The following KCNA3 variants were observed in gnomAD, a reference collection of about 807,000 sequenced individuals.
The protein encoded by KCNA3 is potassium voltage-gated channel subfamily A member 3, also known as RP11-284N8.3.
In KCNA3, 18 loss-of-function variants were observed where a neutral mutation model predicts 34.3. The ratio of observed to expected loss-of-function variants is 0.52; its 90% confidence interval spans 0.36 to 0.78. The LOEUF (loss-of-function observed/expected upper bound fraction) is 0.78. KCNA3 is among the 30% of genes least tolerant of loss of function. The pLI is 0.00. For synonymous variants in KCNA3, 324 were observed against 351.7 expected, an observed-to-expected ratio of 0.92 and a Z score of 0.88; for missense variants, 587 against 802.5, an observed-to-expected ratio of 0.73 and a Z score of 3.24.
At chr1:110,667,563 G>T (rs991635543), downstream of KCNA3, among the ~76,000 whole-genome samples, 1 of 152,094 alleles carries the variant, frequency 6.6e-6, no homozygotes, top group African/African-American at 2.4e-5. Flanking sequence ...TTACAGGGCA[G>T]AGTTCCTATT....
At chr1:110,666,633 G>T in the KCNA3 span, among the ~76,000 whole-genome samples, 1 of 152,144 alleles carries the variant, frequency 6.6e-6, no homozygotes, top group Non-Finnish European at 1.5e-5. Flanking sequence ...AGATCATTCT[G>T]GCTACCAGGA....
the KCNA3 span, among the ~76,000 whole-genome samples, chr1:110,660,366 T>C: frequency 6.6e-6 from 1 of 152,232 alleles, no homozygotes; most frequent in Admixed American, 6.5e-5. Context: ...TGAGTGCCTA[T>C]TGATTTTTAG....
At position 110,674,703 on chromosome 1, in the gene KCNA3, A is replaced by C; in HGVS notation, c.107T>G (p.Val36Gly). 1 of 1,490,268 alleles carries C rather than the reference A, an allele frequency of 6.7e-7. No homozygotes were observed. Among genetic ancestry groups the C allele is most frequent in the South Asian group, 1.3e-5 (1 of 76,062 alleles). 92.3% of individuals were successfully genotyped at this position (1,490,268 alleles called of 1,614,324 possible). Reference sequence around the variant, plus strand: ...GGCGGGCTCCGCGTAGCCGTGGTTCACCAGCGTGTGGGCACCGCCGCTGCT... The same window carrying C: ...GGCGGGCTCCGCGTAGCCGTGGTTCCCCAGCGTGTGGGCACCGCCGCTGCT... ...PASSGGAHTL[V>G]NHGYAEPAAG... is the part of the protein sequence containing the mutation. The change falls in exon 1 of 1, where the codon GTG becomes GGG. Residue 36 changes from valine to glycine, a missense_variant. Around this residue, in one of 7 missense-constraint regions of KCNA3, gnomAD observed 341 missense variants for 355.4 expected, o/e 0.96. Coordinates refer to ENST00000369769, the MANE Select transcript of KCNA3 (RefSeq NM_002232.5). This position sits in a 1 kb window ranked among gnomAD's most constrained non-coding sequence, Gnocchi z 6.4.
Position 110,673,028 on chromosome 1 carries a change from C to A in KCNA3, c.*54G>T. ...GTATAAAACAAGGGCATAGGCAGAC[C>A]AAGGGGGCACGTTCCACACAATACT... On this transcript the variant is annotated 3_prime_UTR_variant, in exon 1 of 1. Transcript: ENST00000369769. This position sits in a 1 kb window ranked among gnomAD's most constrained non-coding sequence, Gnocchi z 8.8. 6.5e-7 allele frequency: 1 copy of A among 1,529,310 alleles called. No homozygotes were observed. Among genetic ancestry groups the A allele is most frequent in the South Asian group, 1.3e-5 (1 of 79,860 alleles). The allele number at this position is 1,529,310 out of a possible 1,614,324, so 94.7% of individuals were successfully genotyped here.
At chr1:110,660,140 T>A in the KCNA3 span, among the ~76,000 whole-genome samples, 1 of 152,206 alleles carries the variant, frequency 6.6e-6, no homozygotes, top group Non-Finnish European at 1.5e-5. Flanking sequence ...TGTTGCTTTT[T>A]AAAAACTGTT....
the KCNA3 span, among the ~76,000 whole-genome samples, chr1:110,663,717 G>T: frequency 2.0e-5 from 3 of 152,040 alleles, no homozygotes; most frequent in Non-Finnish European, 2.9e-5. Context: ...TTTCAATACC[G>T]CTAGGAATCT....
At position 110,674,375 on chromosome 1, in the gene KCNA3, G is replaced by T; in HGVS notation, c.435C>A (p.Asn145Lys). The T allele has an allele frequency of 6.2e-7, 1 of 1,614,168 alleles. No individual in the cohort carries two copies. The highest frequency in any genetic ancestry group is 8.5e-7 in the Non-Finnish European group (1 of 1,180,022). ...RRMRYFDPLR[N>K]EYFFDRNRPS... ...GCCGGTTGCGGTCGAAGAAGTACTC[G>T]TTGCGGAGCGGGTCGAAGTACCTCA... Residue 145 changes from asparagine to lysine, a missense_variant, in exon 1 of 1, where the codon AAC becomes AAA. By Grantham distance (94) the Asn-to-Lys change is moderately conservative. This residue lies in a region of KCNA3 where 341 missense variants were observed against 355.4 expected (regional missense o/e 0.96). Coordinates refer to ENST00000369769, the MANE Select transcript of KCNA3 (RefSeq NM_002232.5). This position sits in a 1 kb window ranked among gnomAD's most constrained non-coding sequence, Gnocchi z 6.4.
the KCNA3 span, chr1:110,655,285 T>C: frequency 6.6e-6 from 1 of 152,218 alleles, no homozygotes; most frequent in East Asian, 1.9e-4. Flanking sequence ...ATTTGGCTTA[T>C]AGTCATACAA....
the KCNA3 span, among the ~76,000 whole-genome samples, chr1:110,658,704 A>C: frequency 3.3e-5 from 5 of 152,160 alleles, no homozygotes; most frequent in African/African-American, 1.2e-4. Flanking sequence ...GAAAAGCTAT[A>C]AACATTAGAT....
chr1:110,666,694 C>T, the KCNA3 span, among the ~76,000 whole-genome samples: 1 of 152,092 alleles, frequency 6.6e-6, no homozygotes, highest in East Asian at 1.9e-4. Flanking sequence ...CATTAAGAGA[C>T]CTTCACACTT....
downstream of KCNA3, chr1:110,672,364 C>T (rs538296926): frequency 6.5e-6 from 1 of 152,746 alleles, no homozygotes; most frequent in African/African-American, 2.4e-5. Flanking sequence ...GTTGTTGGGG[C>T]TGGGACATAT....
chr1:110,672,798 T>C lies in KCNA3; in HGVS notation c.*284A>G. 3.0e-6 allele frequency: 1 copy of C among 338,912 alleles called. No homozygotes were observed. The highest frequency in any genetic ancestry group is 5.4e-6 in the Non-Finnish European group (1 of 186,214). 21.0% of individuals were successfully genotyped at this position (338,912 alleles called of 1,614,324 possible). On this transcript the variant is annotated 3_prime_UTR_variant, in exon 1 of 1. Transcript: ENST00000369769. The stretch of plus-strand genomic sequence containing the variant: ...CCAGGATGTACTGCTCTTTTTTAAA[T>C]AGGGCGTGTACTAGAAATGAAGTTT...
Position 110,673,478 on chromosome 1 carries a change from T to G in KCNA3, c.1332A>C (p.Thr444=), listed in dbSNP as rs766070639. The G allele has an allele frequency of 2.5e-6, 4 of 1,614,054 alleles. No homozygotes were observed. Among genetic ancestry groups the G allele is most frequent in the Middle Eastern group, 1.6e-4 (1 of 6,062 alleles). ...AFWWAVVTMT[T]VGYGDMHPVT... is the part of the protein sequence containing the mutation. ...CTGGGTGCATATCGCCGTAACCCAC[T>G]GTTGTCATGGTTACCACTGCCCACC... The change falls in exon 1 of 1, where the codon ACA becomes ACC. Residue 444 remains threonine, a synonymous_variant. Transcript: ENST00000369769. The surrounding 1 kb of genome is among the most constrained non-coding windows in gnomAD (Gnocchi z 8.8).
the KCNA3 span, among the ~76,000 whole-genome samples, chr1:110,658,677 CA>C: frequency 6.6e-6 from 1 of 151,920 alleles, no homozygotes; most frequent in South Asian, 2.1e-4. Flanking sequence ...GAAACTTTTA[CA>C]TATATAATTT....
At chr1:110,654,636 G>C in the KCNA3 span, 2 of 152,214 alleles carry the variant, frequency 1.3e-5, no homozygotes, top group East Asian at 3.9e-4. Flanking sequence ...CCTGTGGAAG[G>C]GCTATAGTCT....
Position 110,673,448 on chromosome 1 carries a change from G to T in KCNA3, c.1362C>A (p.Thr454=), listed in dbSNP as rs761795005. 1.5e-5 allele frequency: 24 copies of T among 1,614,108 alleles called. No individual in the cohort carries two copies. The East Asian group carries it at 5.3e-4, about 36-fold the overall frequency. The part of the protein sequence containing the change: ...TVGYGDMHPV[T]IGGKIVGSLC... The stretch of plus-strand genomic sequence containing the variant: ...GAGATCCCACAATCTTGCCCCCTAT[G>T]GTCACTGGGTGCATATCGCCGTAAC... Residue 454 remains threonine, a synonymous_variant, in exon 1 of 1, where the codon ACC becomes ACA. Coordinates refer to ENST00000369769, the MANE Select transcript of KCNA3 (RefSeq NM_002232.5). The surrounding 1 kb of genome is among the most constrained non-coding windows in gnomAD (Gnocchi z 8.8).
At position 110,672,846 on chromosome 1, in the gene KCNA3, T is replaced by C. The variant is rs1651935967; in HGVS notation, c.*236A>G. On this transcript the variant is annotated 3_prime_UTR_variant, in exon 1 of 1. Coordinates refer to ENST00000369769, the MANE Select transcript of KCNA3 (RefSeq NM_002232.5). ...TTTAACGTAAGTCTGTTGTTTACAA[T>C]GTTAAGAGAGAGAGGGTAAGAGGGA... The C allele has an allele frequency of 2.1e-6, 1 of 487,364 alleles. No individual in the cohort carries two copies. The highest frequency in any genetic ancestry group is 3.6e-6 in the Non-Finnish European group (1 of 275,716). The allele number at this position is 487,364 out of a possible 1,614,324, so 30.2% of individuals were successfully genotyped here. A position where few individuals can be genotyped will look rare whatever the true frequency, so the allele number is the denominator to read the frequency against.
chr1:110,666,807 G>A, the KCNA3 span, among the ~76,000 whole-genome samples: 2 of 152,028 alleles, frequency 1.3e-5, no homozygotes, highest in Non-Finnish European at 2.9e-5. Flanking sequence ...GACAAAATTT[G>A]GTGATAGGTT....
the KCNA3 span, among the ~76,000 whole-genome samples, chr1:110,663,316 A>G: frequency 6.6e-6 from 1 of 152,228 alleles, no homozygotes; most frequent in Non-Finnish European, 1.5e-5. Flanking sequence ...TCAGAAGAGA[A>G]AAATGATCTT....
Sources: allele counts gnomAD v4.1 joint callset (sites outside exome capture counted in the v4.1 genomes callset), GRCh38; gene constraint gnomAD v4.1.1; regional missense constraint gnomAD v4.1.1; non-coding constraint Gnocchi (gnomAD v3.1); transcripts MANE v1.5; gene names NCBI Gene and HGNC (gene_info 2026-07-23, HGNC 2026-07-21).